The following SEC16B variants were observed in gnomAD, a reference collection of about 807,000 sequenced individuals.
SEC16B encodes SEC16 homolog B, endoplasmic reticulum export factor, also known as protein transport protein Sec16B.
SEC16B carries 115 observed loss-of-function variants against 141.8 expected under a neutral mutation model. The observed-to-expected ratio is 0.81, with a 90% CI of 0.70 to 0.95. The LOEUF (loss-of-function observed/expected upper bound fraction) is 0.95. SEC16B is among the 40% of genes least tolerant of loss of function. The probability of loss-of-function intolerance (pLI) is 0.00; values close to 1 mark genes in which losing one functional copy is unlikely to be tolerated. For missense variants in SEC16B, 1,291 were observed against 1,312.3 expected, an observed-to-expected ratio of 0.98 and a Z score of 0.25; for synonymous variants, 493 against 492.5, an observed-to-expected ratio of 1.00 and a Z score of -0.01.
chr1:177,946,305 G>T (rs779559370), intron 14 of SEC16B, 115 bp downstream of exon 14: 1 of 806,272 alleles, frequency 1.2e-6, no homozygotes, highest in Non-Finnish European at 2.1e-6. Flanking sequence ...TAAGGGAGCC[G>T]GCGGTAGCTG....
intron 18 of SEC16B, among the ~76,000 whole-genome samples, chr1:177,938,522 G>T (rs1159367997): frequency 2.0e-5 from 3 of 152,186 alleles, no homozygotes; most frequent in Non-Finnish European, 4.4e-5. Context: ...CCCTCAAAGT[G>T]CCTGGCTATA....
At chr1:177,961,877 G>T (rs1653094058) in intron 5 of SEC16B, 143 bp from the exon 6 acceptor site, 3 of 815,654 alleles carry the variant, frequency 3.7e-6, no homozygotes, top group Non-Finnish European at 3.9e-6. Context: ...ATAGGCATTT[G>T]CCAAAGGATA....
At chr1:177,960,580 GA>G in intron 7 of SEC16B, 177 bp from the exon 8 acceptor site, 1 of 697,346 alleles carries the variant, frequency 1.4e-6, no homozygotes, top group South Asian at 1.9e-5. Flanking sequence ...GACATCTCAG[GA>G]AAAACACAAC....
chr1:177,958,058 T>C (rs1652756155), intron 10 of SEC16B, 74 bp downstream of exon 10: 10 of 1,034,674 alleles, frequency 9.7e-6, no homozygotes, highest in East Asian at 2.9e-5. Context: ...TTCACATAAT[T>C]TGAGCAGCGG....
intron 6 of SEC16B, 29 bp from the exon 7 acceptor site, chr1:177,960,968 T>C (rs1405092075): frequency 6.5e-7 from 1 of 1,542,904 alleles, no homozygotes; most frequent in South Asian, 1.2e-5. Flanking sequence ...AGATGGACAT[T>C]GTTAGCGTTA....
At position 177,959,066 on chromosome 1, in the gene SEC16B, G is replaced by A. The variant is rs573859333; in HGVS notation, c.999-91C>T. The A allele has an allele frequency of 1.2e-3, 1,598 of 1,362,656 alleles. 8 individuals are homozygous for A. Among genetic ancestry groups the A allele is most frequent in the South Asian group, 4.3e-3 (343 of 80,432 alleles). 84.4% of individuals were successfully genotyped at this position (1,362,656 alleles called of 1,614,324 possible). A position where few individuals can be genotyped will look rare whatever the true frequency, so the allele number is the denominator to read the frequency against. On this transcript the variant is annotated intron_variant, in intron 8 of 25. Transcript: ENST00000308284. The stretch of plus-strand genomic sequence containing the variant: ...GCTCCTCCTAAGTGTGCAAGTGCTG[G>A]CTGGGCTGTGATTGAGATAGAAATC...
intron 3 of SEC16B, 68 bp from the exon 4 acceptor site, chr1:177,965,235 T>C (rs1046614585): frequency 6.3e-7 from 1 of 1,579,210 alleles, no homozygotes; most frequent in East Asian, 2.3e-5. Context: ...TAGAAAGATA[T>C]TAGTGAGCTG....
chr1:177,960,145 C>T (rs1652942523), intron 8 of SEC16B, 197 bp downstream of exon 8: 1 of 573,154 alleles, frequency 1.7e-6, no homozygotes, highest in African/African-American at 1.9e-5. Context: ...TTCTTTCTGT[C>T]CTTCAACTAT....
chr1:177,974,549 A>AAGT (rs1156428311), upstream of SEC16B, among the ~76,000 whole-genome samples: 1 of 152,196 alleles, frequency 6.6e-6, no homozygotes, highest in African/African-American at 2.4e-5. Flanking sequence ...GAAAGACAAC[A>AAGT]AGTAAAAATG....
chr1:177,929,530 C>A lies in SEC16B; in HGVS notation c.*328G>T. ...CCTGCGGTATCATCTTTGATTCTAG[C>A]TGTTAGGGCCCTAATTTCCCCAAGG... On this transcript the variant is annotated 3_prime_UTR_variant, in exon 26 of 26. Coordinates refer to ENST00000308284, the MANE Select transcript of SEC16B (RefSeq NM_033127.4). The A allele has an allele frequency of 3.0e-6, 1 of 329,046 alleles. No individual in the cohort carries two copies. The allele number at this position is 329,046 out of a possible 1,614,324, so 20.4% of individuals were successfully genotyped here. A position where few individuals can be genotyped will look rare whatever the true frequency, so the allele number is the denominator to read the frequency against.
intron 15 of SEC16B, among the ~76,000 whole-genome samples, chr1:177,943,023 G>A (rs537069086): frequency 2.1e-4 from 32 of 152,162 alleles, no homozygotes; most frequent in African/African-American, 6.8e-4. Flanking sequence ...CCGGGCCTCC[G>A]TTTTCTCTTT....
chr1:177,941,443 G>A (rs1351549880), intron 16 of SEC16B, among the ~76,000 whole-genome samples: 1 of 152,092 alleles, frequency 6.6e-6, no homozygotes, highest in East Asian at 1.9e-4. Context: ...TCTTTCCTAG[G>A]AACTAAAGGT....
chr1:177,942,258 C>T (rs1651334649), intron 15 of SEC16B, among the ~76,000 whole-genome samples: 2 of 152,192 alleles, frequency 1.3e-5, no homozygotes, highest in African/African-American at 4.8e-5. Context: ...AACAGGAGTC[C>T]CATCCGCTCA....
rs202145138 is a variant in SEC16B at position 177,946,495 on chromosome 1, T to G, written c.1700A>C (p.Tyr567Ser). The stretch of plus-strand genomic sequence containing the variant: ...GCCAAAGGGCACGTGAGCCATGAGA[T>G]AGCAGAAGTGAGCTGCCTCCACAAG... ...KGLVEAAHFCYLMAHVPFGHY... is the reference protein window; with the variant it reads ...KGLVEAAHFCSLMAHVPFGHY... Residue 567 changes from tyrosine (Y) to serine (S), a missense_variant, in exon 14 of 26, where the codon TAT (tyrosine) becomes TCT (serine). Around this residue, in one of 3 missense-constraint regions of SEC16B, gnomAD observed 605 missense variants for 614.1 expected, o/e 0.99. Transcript: ENST00000308284. The G allele has an allele frequency of 6.3e-7, 1 of 1,584,844 alleles. No individual in the cohort carries two copies. Among genetic ancestry groups the G allele is most frequent in the African/African-American group, 1.3e-5 (1 of 74,288 alleles).
chr1:177,939,426 T>C (rs564784455), intron 18 of SEC16B, among the ~76,000 whole-genome samples: 20 of 152,242 alleles, frequency 1.3e-4, no homozygotes, highest in Non-Finnish European at 2.6e-4. Context: ...GGAGAAAGAA[T>C]TGGCTAACAA....
Position 177,947,820 on chromosome 1 carries a change from C to T in SEC16B, c.1663+5G>A. On this transcript the variant is annotated splice_donor_5th_base_variant and intron_variant, in intron 13 of 25. Transcript: ENST00000308284. ...GAGCGGAGGGGAAATGCTGGTGTCG[C>T]TTACCCAGGGTGTCCCCAATGGCAA... 6.9e-7 allele frequency: 1 copy of T among 1,454,012 alleles called. No individual in the cohort carries two copies. The highest frequency in any genetic ancestry group is 9.1e-7 in the Non-Finnish European group (1 of 1,092,902). 90.1% of individuals were successfully genotyped at this position (1,454,012 alleles called of 1,614,324 possible).
intron 5 of SEC16B, among the ~76,000 whole-genome samples, chr1:177,963,597 T>A (rs1653261356): frequency 6.6e-6 from 1 of 152,204 alleles, no homozygotes; most frequent in East Asian, 1.9e-4. Context: ...AGTGAGACTC[T>A]GTCTCAAAAG....
chr1:177,955,748 C>T (rs1652552511), intron 10 of SEC16B, among the ~76,000 whole-genome samples: 1 of 152,212 alleles, frequency 6.6e-6, no homozygotes, highest in Non-Finnish European at 1.5e-5. Context: ...TGAATTGGCA[C>T]AATCTCTAAA....
At position 177,960,145 on chromosome 1, in the gene SEC16B, C is replaced by A. The variant is rs1652942523; in HGVS notation, c.998+197G>T. 8.7e-6 allele frequency: 5 copies of A among 573,154 alleles called. No homozygotes were observed. The East Asian group carries it at 1.4e-4, about 16-fold the overall frequency. The allele number at this position is 573,154 out of a possible 1,614,324, so 35.5% of individuals were successfully genotyped here. ...CTGTCATGCTAATTTTTCTTTCTGT[C>A]CTTCAACTATTGAATGGCTTGTCAA... On this transcript the variant is annotated intron_variant, in intron 8 of 25. Coordinates refer to ENST00000308284, the MANE Select transcript of SEC16B (RefSeq NM_033127.4).
Sources: gnomAD v4.1 joint callset for allele counts (sites outside exome capture counted in the v4.1 genomes callset) on GRCh38, gnomAD v4.1.1 for gene constraint, gnomAD v4.1.1 regional missense constraint, MANE v1.5 for transcripts, NCBI Gene and HGNC (gene_info 2026-07-23, HGNC 2026-07-21) for gene names.